Variants in ABCC8 observed in about 807,000 individuals in gnomAD.
The protein encoded by ABCC8 is ATP-binding cassette sub-family C member 8.
In ABCC8, 137 loss-of-function variants were observed where a neutral mutation model predicts 188.0. The observed-to-expected ratio is 0.73, with a 90% CI of 0.63 to 0.84. The LOEUF is 0.84. ABCC8 is among the 40% of genes least tolerant of loss of function. The pLI, the probability that ABCC8 is intolerant of heterozygous loss-of-function variation, is 0.00. For synonymous variants in ABCC8, 797 were observed against 846.5 expected, an observed-to-expected ratio of 0.94 and a Z score of 1.01; for missense variants, 1,750 against 2,072.7, an observed-to-expected ratio of 0.84 and a Z score of 3.02.
Position 17,460,265 on chromosome 11 carries a change from G to A in ABCC8, c.1011+223C>T, listed in dbSNP as rs113325502. On this transcript the variant is annotated intron_variant, in intron 6 of 38. Coordinates refer to ENST00000389817, the MANE Select transcript of ABCC8 (RefSeq NM_000352.6). ...CCGGGAGAGGTACTATGGTAGTGACGGTGAGAGGAGAGTAGGATACCCTTG... is the reference window on the plus strand; with the variant it reads ...CCGGGAGAGGTACTATGGTAGTGACAGTGAGAGGAGAGTAGGATACCCTTG... 0.018 allele frequency among the ~76,000 whole-genome samples: 2,785 copies of A among 152,312 alleles called. 68 individuals carry two copies. Among genetic ancestry groups the A allele is most frequent in the African/African-American group, 0.056 (2,330 of 41,558 alleles).
rs1954429617 is a variant in ABCC8 at position 17,404,693 on chromosome 11, G to A, written c.3400-24C>T. 1.3e-6 allele frequency: 2 copies of A among 1,585,266 alleles called. No homozygotes were observed. The highest frequency in any genetic ancestry group is 2.3e-5 in the East Asian group (1 of 43,312). ...TGCTGAGGGAGACGAGGGGGAGAGA[G>A]TGAGGTGAATTTTGGTATTGACTGT... On this transcript the variant is annotated intron_variant, in intron 27 of 38. Coordinates refer to ENST00000389817, the MANE Select transcript of ABCC8 (RefSeq NM_000352.6). This position sits in a 1 kb window ranked among gnomAD's most constrained non-coding sequence, Gnocchi z 4.7.
chr11:17,424,611 G>A (rs1308953121), intron 16 of ABCC8, among the ~76,000 whole-genome samples: 1 of 152,200 alleles, frequency 6.6e-6, no homozygotes, highest in East Asian at 1.9e-4. Context: ...AAGGGACCAG[G>A]TTCAGAGTGG....
intron 16 of ABCC8, among the ~76,000 whole-genome samples, chr11:17,421,048 C>T (rs1286716710): frequency 6.6e-6 from 1 of 152,180 alleles, no homozygotes; most frequent in African/African-American, 2.4e-5. Flanking sequence ...GCTGCATCTG[C>T]AGGACTTCAG....
In ABCC8 at chr11:17,476,255, G is replaced by A. The variant is rs530070380; in HGVS notation, c.148+374C>T. 3.9e-5 allele frequency among the ~76,000 whole-genome samples: 6 copies of A among 152,350 alleles called. No homozygotes were observed. The South Asian group carries it at 1.2e-3, about 32-fold the overall frequency. Reference sequence around the variant, plus strand: ...ACAGGGAGGCTGCCTTGCGGGAGGGGTGACCCGGCTCCCTAAGCTGCGCCA... The same window carrying A: ...ACAGGGAGGCTGCCTTGCGGGAGGGATGACCCGGCTCCCTAAGCTGCGCCA... On this transcript the variant is annotated intron_variant, in intron 1 of 38. Coordinates refer to ENST00000389817, the MANE Select transcript of ABCC8 (RefSeq NM_000352.6).
At chr11:17,396,807 C>T (rs1953952167) in intron 33 of ABCC8, 109 bp downstream of exon 33, 2 of 1,383,532 alleles carry the variant, frequency 1.4e-6, no homozygotes, top group East Asian at 2.4e-5. Context: ...TAGTGAGAGG[C>T]CTCGGCCCTG....
intron 28 of ABCC8, among the ~76,000 whole-genome samples, chr11:17,403,908 A>G (rs757955916): frequency 6.6e-6 from 1 of 152,126 alleles, no homozygotes; most frequent in Non-Finnish European, 1.5e-5. Context: ...TTTTCCTACA[A>G]TTTTTTGAAT....
rs533938878 is a variant in ABCC8, at chr11:17,419,861, T to C, written c.2223-2899A>G. On this transcript the variant is annotated intron_variant, in intron 16 of 38. Coordinates refer to ENST00000389817, the MANE Select transcript of ABCC8 (RefSeq NM_000352.6). Reference sequence around the variant, plus strand: ...CCCAGAGGCTTTTCCACTCATTGGCTGTGAAATCTGAGGCAAGCTCCTTTA... The same window carrying C: ...CCCAGAGGCTTTTCCACTCATTGGCCGTGAAATCTGAGGCAAGCTCCTTTA... 3.3e-5 allele frequency among the ~76,000 whole-genome samples: 5 copies of C among 152,346 alleles called. No homozygotes were observed. In the East Asian group the frequency reaches 9.6e-4, roughly 29 times the overall value.
intron 29 of ABCC8, among the ~76,000 whole-genome samples, chr11:17,400,014 G>A (rs910206443): frequency 1.3e-5 from 2 of 152,206 alleles, no homozygotes; most frequent in African/African-American, 2.4e-5. Flanking sequence ...TGATGATGGA[G>A]GAAGGAACGA....
intron 10 of ABCC8, among the ~76,000 whole-genome samples, chr11:17,438,953 G>A (rs1956209139): frequency 6.6e-6 from 1 of 152,230 alleles, no homozygotes; most frequent in Non-Finnish European, 1.5e-5. Flanking sequence ...TTGCTAGGCG[G>A]CAAGCATGGA....
At position 17,442,742 on chromosome 11, in the gene ABCC8, A is replaced by G. The variant is rs753618932; in HGVS notation, c.1608T>C (p.Phe536=). The G allele has an allele frequency of 7.4e-6, 12 of 1,613,796 alleles. No individual in the cohort carries two copies. In the South Asian group the frequency reaches 1.1e-4, roughly 15 times the overall value. The stretch of plus-strand genomic sequence containing the variant: ...CACTGGAGATGGAGGTATAGATGGC[A>G]AAGGCCCTGAGGCTGGTCATCTCCT... ...RRKEMTSLRA[F]AIYTSISIFM... is the part of the protein sequence containing the mutation. Residue 536 remains phenylalanine (F), a synonymous_variant, in exon 10 of 39, where the codon TTT becomes TTC. Coordinates refer to ENST00000389817, the MANE Select transcript of ABCC8 (RefSeq NM_000352.6).
At position 17,454,607 on chromosome 11, in the gene ABCC8, G is replaced by C. The variant is rs140363973; in HGVS notation, c.1012-1324C>G. Reference sequence around the variant, plus strand: ...AAAATTAGGCTGCAGGGAGAGACCTGAATTTCCAGGGGAGGAAGGGGCAGG... The same window carrying C: ...AAAATTAGGCTGCAGGGAGAGACCTCAATTTCCAGGGGAGGAAGGGGCAGG... On this transcript the variant is annotated intron_variant, in intron 6 of 38. Coordinates refer to ENST00000389817, the MANE Select transcript of ABCC8 (RefSeq NM_000352.6). Among the ~76,000 whole-genome samples, 645 of 152,274 alleles carry C rather than the reference G, an allele frequency of 4.2e-3. 6 individuals carry two copies. Among genetic ancestry groups the C allele is most frequent in the African/African-American group, 0.014 (596 of 41,568 alleles).
At chr11:17,443,914 T>C (rs922658598) in intron 8 of ABCC8, among the ~76,000 whole-genome samples, 8 of 152,174 alleles carry the variant, frequency 5.3e-5, no homozygotes, top group Non-Finnish European at 8.8e-5. Context: ...AAATGGCCAG[T>C]CCCCAAAGCG....
chr11:17,463,387 A>G, intron 4 of ABCC8, 51 bp downstream of exon 4: 1 of 1,474,332 alleles, frequency 6.8e-7, no homozygotes, highest in Non-Finnish European at 9.3e-7. Flanking sequence ...GGCAGGACAG[A>G]GGCCAGAGCC....
In ABCC8 at chr11:17,395,685, T is replaced by A; in HGVS notation, c.4232A>T (p.Lys1411Ile). The A allele has an allele frequency of 6.4e-7, 1 of 1,559,768 alleles. No homozygotes were observed. Among genetic ancestry groups the A allele is most frequent in the Non-Finnish European group, 8.7e-7 (1 of 1,151,536 alleles). Residue 1411 changes from lysine (K) to isoleucine (I), a missense_variant, in exon 35 of 39, where the codon AAA (lysine) becomes ATA (isoleucine). Transcript: ENST00000389817. The stretch of plus-strand genomic sequence containing the variant: ...TGAGCGCAGGGTGTGCAGCGGCAGT[T>A]TGGCGATGTCAATGCCATCAATGAT... ...HIIIDGIDIA[K>I]LPLHTLRSRL...
chr11:17,415,652 A>G (rs1382931627), intron 17 of ABCC8, among the ~76,000 whole-genome samples: 2 of 152,212 alleles, frequency 1.3e-5, no homozygotes, highest in Non-Finnish European at 2.9e-5. Context: ...GAAGCCCGCA[A>G]TGTGGCTCCT....
chr11:17,475,287 G>A (rs1199943648), intron 1 of ABCC8, among the ~76,000 whole-genome samples: 2 of 152,186 alleles, frequency 1.3e-5, no homozygotes, highest in Non-Finnish European at 2.9e-5. Context: ...CCACGATCAC[G>A]GCTCACTACA....
At chr11:17,454,924 C>G (rs541527827) in intron 6 of ABCC8, among the ~76,000 whole-genome samples, 1 of 152,282 alleles carries the variant, frequency 6.6e-6, no homozygotes, top group South Asian at 2.1e-4. Context: ...CTGGCTGGTA[C>G]TGGGTCAGAA....
At chr11:17,435,619 A>G in intron 10 of ABCC8, 1 of 1,398,696 alleles carries the variant, frequency 7.1e-7, no homozygotes, top group Non-Finnish European at 1.0e-6. Flanking sequence ...AGAAACAGAA[A>G]GATGGGTGAA....
chr11:17,432,305 G>A, intron 10 of ABCC8, 61 bp from the exon 11 acceptor site: 2 of 1,551,614 alleles, frequency 1.3e-6, no homozygotes, highest in Non-Finnish European at 1.7e-6. Flanking sequence ...ACATGGAGAT[G>A]CCCAGGATGG....
Sources: allele counts gnomAD v4.1 joint callset (sites outside exome capture counted in the v4.1 genomes callset), GRCh38; gene constraint gnomAD v4.1.1; non-coding constraint Gnocchi (gnomAD v3.1); transcripts MANE v1.5; gene names NCBI Gene and HGNC (gene_info 2026-07-23, HGNC 2026-07-21).